The following BRAF variants were observed in gnomAD, a reference collection of about 807,000 sequenced individuals.
BRAF encodes the protein B-Raf proto-oncogene, serine/threonine kinase, also known as serine/threonine-protein kinase B-raf.
In BRAF, 16 loss-of-function variants were observed where a neutral mutation model predicts 104.6. That is an observed-to-expected ratio of 0.15 (90% CI 0.10 to 0.23). The LOEUF (loss-of-function observed/expected upper bound fraction) is 0.23. Ranked by LOEUF, BRAF falls within the 10% of genes least tolerant of loss-of-function variation. BRAF has a pLI of 1.00. For synonymous variants in BRAF, 310 were observed against 341.6 expected (o/e 0.91, Z 1.02); for missense variants, 541 against 937.3 (o/e 0.58, Z 5.52).
chr7:140,754,888 T>C (rs1798075356), intron 14 of BRAF, among the ~76,000 whole-genome samples: 1 of 152,226 alleles, frequency 6.6e-6, no homozygotes, highest in Non-Finnish European at 1.5e-5. Flanking sequence ...TTAAAACTAG[T>C]GAGGAGAAAA....
chr7:140,841,680 C>T (rs1807986364), intron 2 of BRAF, among the ~76,000 whole-genome samples: 1 of 152,108 alleles, frequency 6.6e-6, no homozygotes. Flanking sequence ...AATATTTCAA[C>T]CAGCAAATCC....
intron 3 of BRAF, chr7:140,824,000 A>T (rs1805749759): frequency 2.0e-5 from 3 of 152,146 alleles, no homozygotes; most frequent in Admixed American, 2.0e-4. Flanking sequence ...CCATTTTTTA[A>T]CAAGGTTGTA....
chr7:140,862,282 T>C (rs184292152), intron 1 of BRAF, among the ~76,000 whole-genome samples: 35 of 152,112 alleles, frequency 2.3e-4, no homozygotes, highest in Non-Finnish European at 4.9e-4. Context: ...AAGATCATAG[T>C]AGTGATATGT....
At chr7:140,756,321 CT>C (rs1292567411) in intron 14 of BRAF, among the ~76,000 whole-genome samples, 1 of 151,984 alleles carries the variant, frequency 6.6e-6, no homozygotes, top group Non-Finnish European at 1.5e-5. Context: ...TTCTGTAATC[CT>C]TCTGTAACAA....
intron 6 of BRAF, chr7:140,801,200 A>G (rs1242745145): frequency 5.6e-5 from 30 of 538,448 alleles, no homozygotes; most frequent in Non-Finnish European, 8.7e-5. Flanking sequence ...AATATAAAAT[A>G]TAAATTAACT....
intron 1 of BRAF, among the ~76,000 whole-genome samples, chr7:140,888,033 T>C (rs1032447285): frequency 1.9e-4 from 29 of 152,076 alleles, no homozygotes; most frequent in Non-Finnish European, 3.5e-4. Context: ...CCACCATGCC[T>C]GGCTAATTTT....
chr7:140,818,731 A>G (rs1034951241), intron 3 of BRAF, among the ~76,000 whole-genome samples: 2 of 152,224 alleles, frequency 1.3e-5, no homozygotes, highest in Non-Finnish European at 2.9e-5. Context: ...TTATCTTTAC[A>G]ATACTATATA....
chr7:140,827,256 A>T (rs1172760391), intron 3 of BRAF, among the ~76,000 whole-genome samples: 1 of 152,170 alleles, frequency 6.6e-6, no homozygotes, highest in African/African-American at 2.4e-5. Context: ...ATGTCTTACA[A>T]CTTGAGATCT....
chr7:140,865,689 G>A (rs890950792), intron 1 of BRAF, among the ~76,000 whole-genome samples: 1 of 152,156 alleles, frequency 6.6e-6, no homozygotes, highest in Non-Finnish European at 1.5e-5. Context: ...TGTCTACATA[G>A]ATAGAACCCT....
chr7:140,760,334 A>AC (rs771444376), intron 14 of BRAF, among the ~76,000 whole-genome samples: 21 of 151,610 alleles, frequency 1.4e-4, no homozygotes, highest in Non-Finnish European at 2.4e-4. Flanking sequence ...AATCACTTGA[A>AC]CCCTGGAGAC....
At chr7:140,908,247 T>C (rs767760944) in intron 1 of BRAF, among the ~76,000 whole-genome samples, 2 of 152,186 alleles carry the variant, frequency 1.3e-5, no homozygotes, top group African/African-American at 2.4e-5. Context: ...TTTAGGTATA[T>C]ATACATAAAG....
At chr7:140,762,132 CTTGGAA>C (rs1798799562) in intron 14 of BRAF, among the ~76,000 whole-genome samples, 1 of 152,120 alleles carries the variant, frequency 6.6e-6, no homozygotes. Flanking sequence ...TGACCACATA[CTTGGAA>C]GTAAAGCTCT....
chr7:140,717,633 C>T (rs1259940415), downstream of BRAF, among the ~76,000 whole-genome samples: 1 of 152,112 alleles, frequency 6.6e-6, no homozygotes, highest in Non-Finnish European at 1.5e-5. Context: ...TGTCACAGCC[C>T]CTGATAAAAT....
At chr7:140,894,871 T>C (rs996771381) in intron 1 of BRAF, among the ~76,000 whole-genome samples, 4 of 152,180 alleles carry the variant, frequency 2.6e-5, no homozygotes, top group Non-Finnish European at 5.9e-5. Flanking sequence ...CTCAGAAAAG[T>C]TGAAAGTCAA....
chr7:140,917,016 A>G (rs1817701549), intron 1 of BRAF, among the ~76,000 whole-genome samples: 2 of 152,252 alleles, frequency 1.3e-5, no homozygotes, highest in Admixed American at 1.3e-4. Context: ...TAAAAGTGCC[A>G]AGGTGATTCA....
intron 1 of BRAF, among the ~76,000 whole-genome samples, chr7:140,856,249 G>T (rs569992790): frequency 6.6e-6 from 1 of 151,910 alleles, no homozygotes; most frequent in Non-Finnish European, 1.5e-5. Flanking sequence ...GTTACGAAAG[G>T]TGGGGTTGGG....
chr7:140,725,546 A>C lies in BRAF; in HGVS notation c.*948T>G, dbSNP rs1795551410. ...AAATTATCTAAATTTCTCACATTCA[A>C]AACTGTTATTAAGCAGTTTTGTGGG... On this transcript the variant is annotated 3_prime_UTR_variant, in exon 20 of 20. Coordinates refer to ENST00000644969, the MANE Select transcript of BRAF (RefSeq NM_001374258.1). 9.7e-7 allele frequency: 1 copy of C among 1,035,632 alleles called. No homozygotes were observed. Among genetic ancestry groups the C allele is most frequent in the East Asian group, 5.5e-5 (1 of 18,346 alleles). 64.2% of individuals were successfully genotyped at this position (1,035,632 alleles called of 1,614,324 possible).
At chr7:140,781,534 C>A (rs777027064) in intron 12 of BRAF, 42 bp downstream of exon 11, 1 of 1,506,966 alleles carries the variant, frequency 6.6e-7, no homozygotes, top group Non-Finnish European at 9.2e-7. Context: ...TTAAACATAT[C>A]CTATTATGAC....
intron 18 of BRAF, among the ~76,000 whole-genome samples, chr7:140,739,358 C>T (rs1437121694): frequency 6.6e-6 from 1 of 152,014 alleles, no homozygotes; most frequent in East Asian, 1.9e-4. Context: ...AAAAGTAAAA[C>T]AATACAACTC....
Sources: gnomAD v4.1 joint callset for allele counts (sites outside exome capture counted in the v4.1 genomes callset) on GRCh38, gnomAD v4.1.1 for gene constraint, MANE v1.5 for transcripts, NCBI Gene and HGNC (gene_info 2026-07-23, HGNC 2026-07-21) for gene names.